APBA1: variants seen among roughly 807,000 people sequenced by gnomAD.
The protein encoded by APBA1 is amyloid-beta A4 precursor protein-binding family A member 1.
APBA1 carries 55 observed loss-of-function variants against 86.6 expected under a neutral mutation model. That is an observed-to-expected ratio of 0.64 (90% CI 0.51 to 0.80). The LOEUF is 0.80. APBA1 is among the 30% of genes least tolerant of loss of function. The probability of loss-of-function intolerance (pLI) is 0.00; values close to 1 mark genes in which losing one functional copy is unlikely to be tolerated. For missense variants in APBA1, 1,090 were observed against 1,183.0 expected, an observed-to-expected ratio of 0.92 and a Z score of 1.15; for synonymous variants, 511 against 493.9, an observed-to-expected ratio of 1.03 and a Z score of -0.46.
intron 1 of APBA1, among the ~76,000 whole-genome samples, chr9:69,624,333 C>A (rs1218309261): frequency 6.6e-6 from 1 of 152,186 alleles, no homozygotes; most frequent in East Asian, 1.9e-4. Context: ...AGGCAGTTTG[C>A]TCAGACCCAA....
chr9:69,461,583 C>T (rs543684135), intron 5 of APBA1: 55 of 152,272 alleles, frequency 3.6e-4, no homozygotes, highest in African/African-American at 1.3e-3. Context: ...CCATGAAACA[C>T]GAGGTTTAAG....
intron 1 of APBA1, among the ~76,000 whole-genome samples, chr9:69,521,658 TGAGGA>T (rs1252765324): frequency 6.6e-6 from 1 of 152,168 alleles, no homozygotes; most frequent in Non-Finnish European, 1.5e-5. Context: ...AGAAAATGAC[TGAGGA>T]GAGGACATTA....
intron 1 of APBA1, among the ~76,000 whole-genome samples, chr9:69,565,519 C>T (rs1362356625): frequency 6.6e-6 from 1 of 152,200 alleles, no homozygotes; most frequent in African/African-American, 2.4e-5. Flanking sequence ...AGGCAGCTGC[C>T]TACTGGCAGT....
chr9:69,586,986 T>C (rs1212312088), intron 1 of APBA1, among the ~76,000 whole-genome samples: 2 of 152,234 alleles, frequency 1.3e-5, no homozygotes, highest in African/African-American at 4.8e-5. Flanking sequence ...TCACTAAAGG[T>C]AATTCAAGAA....
At chr9:69,615,855 T>C (rs1236066969) in intron 1 of APBA1, among the ~76,000 whole-genome samples, 1 of 152,168 alleles carries the variant, frequency 6.6e-6, no homozygotes, top group African/African-American at 2.4e-5. Flanking sequence ...GGGACAAATC[T>C]CATGCCTGAT....
At chr9:69,456,746 C>T (rs539396377) in intron 7 of APBA1, among the ~76,000 whole-genome samples, 2 of 150,730 alleles carry the variant, frequency 1.3e-5, no homozygotes, top group Middle Eastern at 3.5e-3. Flanking sequence ...TTTTTGTGTG[C>T]GTGAATGTAA....
At chr9:69,639,838 T>C (rs2134006745) in intron 1 of APBA1, among the ~76,000 whole-genome samples, 1 of 152,314 alleles carries the variant, frequency 6.6e-6, no homozygotes, top group South Asian at 2.1e-4. Context: ...CTGAATGTCA[T>C]CATTTTTAAA....
chr9:69,517,022 C>G lies in APBA1; in HGVS notation c.189G>C (p.Gln63His), dbSNP rs1373229719. The part of the protein sequence containing the change: ...RGRALEDLRA[Q>H]LGQEEEERGE... ...CGCGCTCCTCTTCCTCCTGGCCGAGCTGGGCGCGGAGGTCCTCGAGGGCTC... is the reference window on the plus strand; with the variant it reads ...CGCGCTCCTCTTCCTCCTGGCCGAGGTGGGCGCGGAGGTCCTCGAGGGCTC... The change falls in exon 2 of 13, where the codon CAG (glutamine) becomes CAC (histidine). Residue 63 changes from glutamine (Q) to histidine (H), a missense_variant. By Grantham distance (24) the Gln-to-His change is conservative. Coordinates refer to ENST00000265381, the MANE Select transcript of APBA1 (RefSeq NM_001163.4). The G allele has an allele frequency of 4.4e-6, 7 of 1,577,564 alleles. No individual in the cohort carries two copies. Among genetic ancestry groups the G allele is most frequent in the Non-Finnish European group, 4.3e-6 (5 of 1,168,560 alleles).
At chr9:69,613,593 A>G (rs1822636356) in intron 1 of APBA1, among the ~76,000 whole-genome samples, 1 of 152,094 alleles carries the variant, frequency 6.6e-6, no homozygotes, top group African/African-American at 2.4e-5. Flanking sequence ...CAACTTTTTA[A>G]CCAGCTCCTG....
intron 1 of APBA1, among the ~76,000 whole-genome samples, chr9:69,566,001 T>G (rs1449120344): frequency 6.6e-6 from 1 of 152,126 alleles, no homozygotes; most frequent in African/African-American, 2.4e-5. Context: ...CAGTTTCATC[T>G]CTTACCACGT....
At chr9:69,664,342 T>C (rs1823806978) in intron 1 of APBA1, among the ~76,000 whole-genome samples, 3 of 152,316 alleles carry the variant, frequency 2.0e-5, no homozygotes, top group Middle Eastern at 3.4e-3. Flanking sequence ...AGATCATAAA[T>C]ATACTCCTTT....
Position 69,516,002 on chromosome 9 carries a change from C to A in APBA1, c.1200+9G>T. 1 of 1,539,086 alleles carries A rather than the reference C, an allele frequency of 6.5e-7. No homozygotes were observed. Among genetic ancestry groups the A allele is most frequent in the Non-Finnish European group, 8.8e-7 (1 of 1,135,360 alleles). On this transcript the variant is annotated intron_variant, in intron 2 of 12. Coordinates refer to ENST00000265381, the MANE Select transcript of APBA1 (RefSeq NM_001163.4). The surrounding 1 kb of genome is among the most constrained non-coding windows in gnomAD (Gnocchi z 7.3). ...GGGGCCGAGGAAGCCCAAACCCGCA[C>A]CTACTTACATCTCCGTCCATCGGCC...
chr9:69,574,200 G>A (rs1283683611), intron 1 of APBA1, among the ~76,000 whole-genome samples: 1 of 152,160 alleles, frequency 6.6e-6, no homozygotes, highest in Admixed American at 6.6e-5. Flanking sequence ...CCCTGGCCTT[G>A]CATAGGAATC....
chr9:69,549,949 G>A (rs1393539704), intron 1 of APBA1, among the ~76,000 whole-genome samples: 1 of 152,108 alleles, frequency 6.6e-6, no homozygotes, highest in Non-Finnish European at 1.5e-5. Context: ...TCTGGAGTCT[G>A]GTATACATAA....
At position 69,601,685 on chromosome 9, in the gene APBA1, C is replaced by T. The variant is rs114051229; in HGVS notation, c.-70+70468G>A. On this transcript the variant is annotated intron_variant, in intron 1 of 12. Transcript: ENST00000265381. ...ATGAAAGAGTTGGAAAGATTGGAACCGAGACTGCCTGTGACAGAGGTATCT... is the reference window on the plus strand; with the variant it reads ...ATGAAAGAGTTGGAAAGATTGGAACTGAGACTGCCTGTGACAGAGGTATCT... Among the ~76,000 whole-genome samples the T allele has an allele frequency of 7.5e-3, 1,139 of 152,224 alleles. 10 individuals carry two copies. Among genetic ancestry groups the T allele is most frequent in the African/African-American group, 0.026 (1,081 of 41,526 alleles).
At chr9:69,642,816 C>T (rs774451310) in intron 1 of APBA1, among the ~76,000 whole-genome samples, 4 of 151,700 alleles carry the variant, frequency 2.6e-5, no homozygotes, top group African/African-American at 4.8e-5. Flanking sequence ...GACTGACTAC[C>T]GCCTGAACAA....
In APBA1 at chr9:69,460,306, G is replaced by T. The variant is rs532442856; in HGVS notation, c.1483-2118C>A. On this transcript the variant is annotated intron_variant, in intron 5 of 12. Coordinates refer to ENST00000265381, the MANE Select transcript of APBA1 (RefSeq NM_001163.4). ...GAAAAAGTTTGAAGGTAGCAACTCTGTCATCCTGACTGCTGCACATTACAG... is the reference window on the plus strand; with the variant it reads ...GAAAAAGTTTGAAGGTAGCAACTCTTTCATCCTGACTGCTGCACATTACAG... Among the ~76,000 whole-genome samples, 9 of 152,298 alleles carry T rather than the reference G, an allele frequency of 5.9e-5. No individual in the cohort carries two copies. In the East Asian group the frequency reaches 1.7e-3, roughly 29 times the overall value.
intron 1 of APBA1, among the ~76,000 whole-genome samples, chr9:69,649,968 C>CT (rs1823466467): frequency 6.6e-6 from 1 of 152,184 alleles, no homozygotes; most frequent in Non-Finnish European, 1.5e-5. Flanking sequence ...ATTTTAACTG[C>CT]TACAGCTTTA....
chr9:69,518,198 G>T (rs1836198303), intron 1 of APBA1, among the ~76,000 whole-genome samples: 1 of 152,134 alleles, frequency 6.6e-6, no homozygotes, highest in Non-Finnish European at 1.5e-5. Context: ...AATTTATATA[G>T]CATTTATATT....
Sources: gnomAD v4.1 joint callset for allele counts (sites outside exome capture counted in the v4.1 genomes callset) on GRCh38, gnomAD v4.1.1 for gene constraint, Gnocchi (gnomAD v3.1) non-coding constraint, MANE v1.5 for transcripts, NCBI Gene and HGNC (gene_info 2026-07-23, HGNC 2026-07-21) for gene names.